Variants in DLG2 observed in about 807,000 individuals in gnomAD.
DLG2 encodes the protein discs large MAGUK scaffold protein 2.
Under a neutral mutation model 132.5 loss-of-function variants are expected in DLG2, and 45 were observed. That is an observed-to-expected ratio of 0.34 (90% confidence interval 0.27 to 0.44). DLG2 has a LOEUF of 0.44. DLG2 is among the 20% of genes least tolerant of loss of function. The pLI, the probability that DLG2 is intolerant of heterozygous loss-of-function variation, is 1.00. For missense variants in DLG2, 1,045 were observed against 1,196.9 expected (o/e 0.87, Z 1.87); for synonymous variants, 424 against 419.6 (o/e 1.01, Z -0.13).
At chr11:85,107,019 T>C (rs1159569697) in intron 6 of DLG2, among the ~76,000 whole-genome samples, 1 of 152,034 alleles carries the variant, frequency 6.6e-6, no homozygotes, top group Non-Finnish European at 1.5e-5. Flanking sequence ...TCAGTTAAAA[T>C]ACGTGTTCAG....
chr11:83,714,717 C>G (rs1236165982), intron 18 of DLG2, among the ~76,000 whole-genome samples: 12 of 152,146 alleles, frequency 7.9e-5, no homozygotes, highest in Admixed American at 1.3e-4. Flanking sequence ...CTACTGATAA[C>G]TATAATTTGT....
chr11:84,139,358 C>A (rs2094740422), intron 9 of DLG2, among the ~76,000 whole-genome samples: 1 of 152,064 alleles, frequency 6.6e-6, no homozygotes, highest in East Asian at 1.9e-4. Context: ...TAATCAGGAG[C>A]ATTGCCAGAG....
chr11:83,898,069 C>CT (rs1042162169), intron 15 of DLG2, among the ~76,000 whole-genome samples: 6 of 151,984 alleles, frequency 3.9e-5, no homozygotes, highest in Non-Finnish European at 7.4e-5. Context: ...TACAAAGGGC[C>CT]TTGGGAACTT....
intron 15 of DLG2, among the ~76,000 whole-genome samples, chr11:83,898,476 A>G (rs2072424665): frequency 6.6e-6 from 1 of 152,132 alleles, no homozygotes; most frequent in South Asian, 2.1e-4. Context: ...TTTACTAATA[A>G]GGCTATTGAT....
intron 17 of DLG2, among the ~76,000 whole-genome samples, chr11:83,825,709 C>G (rs548167065): frequency 6.6e-6 from 1 of 152,118 alleles, no homozygotes; most frequent in Admixed American, 6.5e-5. Context: ...TCCGTCCCCA[C>G]TCAGTGATAT....
At chr11:84,233,813 A>G (rs2097125587) in intron 8 of DLG2, among the ~76,000 whole-genome samples, 1 of 152,078 alleles carries the variant, frequency 6.6e-6, no homozygotes, top group Admixed American at 6.5e-5. Flanking sequence ...TCCACTCTCA[A>G]TCTCACTTTT....
rs528955877 is a variant in DLG2, at chr11:85,085,779, T to C, written c.357+25882A>G. The stretch of plus-strand genomic sequence containing the variant: ...CCCAAGGTCACACAGCTAACAGGTA[T>C]TTGAACTGTGACTCCAAAGTCAGTG... On this transcript the variant is annotated intron_variant, in intron 6 of 27. Transcript: ENST00000376104. Among the ~76,000 whole-genome samples, 9 of 152,248 alleles carry C rather than the reference T, an allele frequency of 5.9e-5. No individual in the cohort carries two copies. In the East Asian group the frequency reaches 1.5e-3, roughly 26 times the overall value.
At chr11:85,311,011 A>G (rs1435359876) in intron 3 of DLG2, among the ~76,000 whole-genome samples, 2 of 152,326 alleles carry the variant, frequency 1.3e-5, no homozygotes, top group East Asian at 3.9e-4. Context: ...ACTATAGTCC[A>G]TAGACAAACC....
chr11:84,417,952 G>A (rs985682706), intron 7 of DLG2, among the ~76,000 whole-genome samples: 14 of 152,034 alleles, frequency 9.2e-5, no homozygotes, highest in African/African-American at 3.4e-4. Context: ...ATCTCTCAAC[G>A]CTAAATTATA....
intron 6 of DLG2, among the ~76,000 whole-genome samples, chr11:84,892,617 A>G (rs2089579017): frequency 6.6e-6 from 1 of 152,106 alleles, no homozygotes; most frequent in South Asian, 2.1e-4. Flanking sequence ...AATAAAAATA[A>G]CACTGGTGGA....
intron 18 of DLG2, among the ~76,000 whole-genome samples, chr11:83,702,954 A>G (rs1016448366): frequency 2.6e-5 from 4 of 152,256 alleles, no homozygotes; most frequent in Non-Finnish European, 5.9e-5. Flanking sequence ...GTTCTTCCGA[A>G]AAGCACTGTA....
At chr11:83,876,087 C>T (rs1372063415) in intron 15 of DLG2, among the ~76,000 whole-genome samples, 3 of 152,128 alleles carry the variant, frequency 2.0e-5, no homozygotes, top group African/African-American at 4.8e-5. Flanking sequence ...CTGCCTGGCT[C>T]AACCACATAT....
chr11:83,790,292 A>G, intron 17 of DLG2: 1 of 933,712 alleles, frequency 1.1e-6, no homozygotes, highest in Non-Finnish European at 1.7e-6. Flanking sequence ...TCTAGTGTGA[A>G]CTGTTTTACC....
intron 10 of DLG2, among the ~76,000 whole-genome samples, chr11:84,076,615 C>G (rs2096833497): frequency 6.6e-6 from 1 of 152,152 alleles, no homozygotes; most frequent in South Asian, 2.1e-4. Flanking sequence ...GTCACTAGTC[C>G]TTCTGTTGCA....
chr11:84,873,265 C>A (rs1449906721), intron 6 of DLG2, among the ~76,000 whole-genome samples: 1 of 152,040 alleles, frequency 6.6e-6, no homozygotes, highest in Non-Finnish European at 1.5e-5. Context: ...TGGAGCAATG[C>A]ACTGTCAAGG....
At chr11:84,953,087 T>C (rs1295637418) in intron 6 of DLG2, among the ~76,000 whole-genome samples, 2 of 152,196 alleles carry the variant, frequency 1.3e-5, no homozygotes, top group Non-Finnish European at 2.9e-5. Context: ...TATAATAATA[T>C]CACAATTATC....
rs1304013455 is a variant in DLG2, at chr11:85,484,547, C to G, written c.40+114110G>C. On this transcript the variant is annotated intron_variant, in intron 3 of 27. Coordinates refer to ENST00000376104, the MANE Select transcript of DLG2 (RefSeq NM_001142699.3). Reference sequence around the variant, plus strand: ...CCATCAAAAAGTGGGCGAAGGACATCAACAGACACTTCTCAAAAGAAGACA... The same window carrying G: ...CCATCAAAAAGTGGGCGAAGGACATGAACAGACACTTCTCAAAAGAAGACA... Among the ~76,000 whole-genome samples the G allele has an allele frequency of 7.6e-4, 115 of 150,844 alleles. 1 individual carries two copies. Among genetic ancestry groups the G allele is most frequent in the Admixed American group, 1.7e-3 (26 of 15,146 alleles).
At chr11:84,483,004 T>C (rs1424224343) in intron 7 of DLG2, among the ~76,000 whole-genome samples, 1 of 152,162 alleles carries the variant, frequency 6.6e-6, no homozygotes, top group Non-Finnish European at 1.5e-5. Context: ...CCAGAGAATA[T>C]ATAATAAACT....
chr11:84,892,358 A>T (rs1324200043), intron 6 of DLG2, among the ~76,000 whole-genome samples: 1 of 152,134 alleles, frequency 6.6e-6, no homozygotes, highest in African/African-American at 2.4e-5. Flanking sequence ...CTTTATATTA[A>T]ATAACCATTG....
Sources: gnomAD v4.1 joint callset for allele counts (sites outside exome capture counted in the v4.1 genomes callset) on GRCh38, gnomAD v4.1.1 for gene constraint, MANE v1.5 for transcripts, NCBI Gene and HGNC (gene_info 2026-07-23, HGNC 2026-07-21) for gene names.